PCDH9: variants seen among roughly 807,000 people sequenced by gnomAD.
PCDH9 encodes protocadherin-9.
PCDH9 carries 24 observed loss-of-function variants against 70.6 expected under a neutral mutation model. The observed-to-expected ratio is 0.34, with a 90% CI of 0.25 to 0.48. The LOEUF is 0.48. PCDH9 is among the 20% of genes least tolerant of loss of function. The pLI is 0.99. For synonymous variants in PCDH9, 562 were observed against 558.5 expected (o/e 1.01, Z -0.09); for missense variants, 1,281 against 1,503.6 (o/e 0.85, Z 2.45).
chr13:66,826,543 A>G lies in PCDH9; in HGVS notation c.3138+76961T>C, dbSNP rs2080826672. Among the ~76,000 whole-genome samples, 3 of 152,194 alleles carry G rather than the reference A, an allele frequency of 2.0e-5. No individual in the cohort carries two copies. In the South Asian group the frequency reaches 6.2e-4, roughly 32 times the overall value. On this transcript the variant is annotated intron_variant, in intron 3 of 4. Coordinates refer to ENST00000377865, the MANE Select transcript of PCDH9 (RefSeq NM_203487.3). ...ATTGGAATAGTATATTATTTTACTC[A>G]ATATATATTTATGAGATTACTGTGT...
intron 3 of PCDH9, among the ~76,000 whole-genome samples, chr13:66,674,433 T>C (rs1276524020): frequency 6.6e-6 from 1 of 152,164 alleles, no homozygotes; most frequent in African/African-American, 2.4e-5. Context: ...TTAAAAAAAA[T>C]TGACTTTACA....
chr13:66,401,991 A>T (rs1252855767), intron 4 of PCDH9, among the ~76,000 whole-genome samples: 1 of 152,232 alleles, frequency 6.6e-6, no homozygotes, highest in Non-Finnish European at 1.5e-5. Context: ...TTCATTATCC[A>T]AGCTTTGCTT....
chr13:67,079,367 T>C (rs2085940446), intron 2 of PCDH9, among the ~76,000 whole-genome samples: 1 of 152,150 alleles, frequency 6.6e-6, no homozygotes, highest in Non-Finnish European at 1.5e-5. Context: ...AATAATAGTT[T>C]TTAAATGTGA....
At chr13:66,654,101 T>G (rs1402878577) in intron 3 of PCDH9, among the ~76,000 whole-genome samples, 2 of 152,048 alleles carry the variant, frequency 1.3e-5, no homozygotes, top group Non-Finnish European at 1.5e-5. Flanking sequence ...ACCCAATATG[T>G]GGTACATAAA....
At chr13:66,332,200 C>T (rs9592460) in intron 4 of PCDH9, among the ~76,000 whole-genome samples, 1 of 152,048 alleles carries the variant, frequency 6.6e-6, no homozygotes, top group African/African-American at 2.4e-5. Context: ...TTTAGAAGTG[C>T]TAAGTAACTT....
chr13:67,150,109 G>C (rs983205460), intron 2 of PCDH9, among the ~76,000 whole-genome samples: 8 of 151,974 alleles, frequency 5.3e-5, no homozygotes, highest in African/African-American at 1.9e-4. Flanking sequence ...GCAGTGCTCC[G>C]TGCAACATCT....
intron 4 of PCDH9, among the ~76,000 whole-genome samples, chr13:66,359,075 T>C (rs989063660): frequency 6.6e-6 from 1 of 151,990 alleles, no homozygotes; most frequent in Admixed American, 6.6e-5. Flanking sequence ...CTAGGGACTA[T>C]CATAAGAGTA....
intron 2 of PCDH9, among the ~76,000 whole-genome samples, chr13:66,930,331 T>C (rs939992114): frequency 6.6e-6 from 1 of 152,208 alleles, no homozygotes; most frequent in Non-Finnish European, 1.5e-5. Context: ...AGAGCAATTT[T>C]GATCTAGTAC....
intron 4 of PCDH9, among the ~76,000 whole-genome samples, chr13:66,373,555 G>C (rs934024110): frequency 6.6e-6 from 1 of 151,830 alleles, no homozygotes; most frequent in Non-Finnish European, 1.5e-5. Flanking sequence ...AAAAATGAAA[G>C]ATGAAGAAAG....
At chr13:67,191,678 G>T (rs2138021139) in intron 2 of PCDH9, among the ~76,000 whole-genome samples, 1 of 152,144 alleles carries the variant, frequency 6.6e-6, no homozygotes, top group Admixed American at 6.6e-5. Context: ...CCCTGGTCAA[G>T]CCATTATCAC....
At position 67,228,167 on chromosome 13, in the gene PCDH9, T is replaced by C; in HGVS notation, c.274A>G (p.Ile92Val). ...TGEIFTTSNR[I>V]DREKLCAGAS... ...CCAGCACAGAGTTTTTCTCTGTCTA[T>C]TCTGTTGGAGGTTGTGAAAATTTCC... The change falls in exon 2 of 5, where the codon ATA (isoleucine) becomes GTA (valine). Residue 92 changes from isoleucine to valine, a missense_variant. This residue lies in a region of PCDH9 where 798 missense variants were observed against 1,003.1 expected (regional missense o/e 0.80). Coordinates refer to ENST00000377865, the MANE Select transcript of PCDH9 (RefSeq NM_203487.3). 6.2e-7 allele frequency: 1 copy of C among 1,614,012 alleles called. No individual in the cohort carries two copies. The highest frequency in any genetic ancestry group is 8.5e-7 in the Non-Finnish European group (1 of 1,180,006).
At chr13:66,868,778 G>A (rs1198351123) in intron 3 of PCDH9, among the ~76,000 whole-genome samples, 5 of 152,068 alleles carry the variant, frequency 3.3e-5, no homozygotes, top group South Asian at 4.1e-4. Flanking sequence ...ACTTCAAGGC[G>A]AAGTTGGGAA....
chr13:66,610,290 A>AAGAG (rs895733859), intron 4 of PCDH9, among the ~76,000 whole-genome samples: 2 of 149,566 alleles, frequency 1.3e-5, no homozygotes, highest in East Asian at 2.0e-4. Flanking sequence ...CAGAGAGAGA[A>AAGAG]AGAGAGAGAG....
intron 4 of PCDH9, among the ~76,000 whole-genome samples, chr13:66,340,228 A>G (rs559061100): frequency 6.6e-6 from 1 of 152,328 alleles, no homozygotes; most frequent in African/African-American, 2.4e-5. Context: ...GAAACAACTC[A>G]TGTTTGAAAA....
chr13:66,591,449 G>A (rs2077038296), intron 4 of PCDH9, among the ~76,000 whole-genome samples: 1 of 137,916 alleles, frequency 7.3e-6, no homozygotes, highest in African/African-American at 2.6e-5. Context: ...TTTACACATA[G>A]ATGGTAACTA....
chr13:66,564,404 G>T (rs971697252), intron 4 of PCDH9, among the ~76,000 whole-genome samples: 1 of 152,122 alleles, frequency 6.6e-6, no homozygotes, highest in East Asian at 1.9e-4. Flanking sequence ...GGGCTCAAAT[G>T]ATTCTCTCCC....
At chr13:66,462,178 T>C (rs972061161) in intron 4 of PCDH9, among the ~76,000 whole-genome samples, 4 of 151,784 alleles carry the variant, frequency 2.6e-5, no homozygotes, top group Non-Finnish European at 5.9e-5. Flanking sequence ...ACTGTGATTA[T>C]ATAGAAAAAA....
At chr13:66,967,650 CAA>C (rs75961646) in intron 2 of PCDH9, among the ~76,000 whole-genome samples, 1 of 152,032 alleles carries the variant, frequency 6.6e-6, no homozygotes, top group Non-Finnish European at 1.5e-5. Flanking sequence ...TATACAAATA[CAA>C]AAAAAAATTT....
Position 67,225,866 on chromosome 13 carries a change from G to A in PCDH9, c.2575C>T (p.Pro859Ser), listed in dbSNP as rs768106816. ...TTGTTTTGCTTGTTCTCCTGGTTTG[G>A]GGACATCCATTCGGCACCTTGCTTG... is the stretch of plus-strand genomic sequence containing the variant. ...RSKQGAEWMSPNQENKQNKKK... is the reference protein window; with the variant it reads ...RSKQGAEWMSSNQENKQNKKK... The change falls in exon 2 of 5, where the codon CCA (proline) becomes TCA (serine). Residue 859 changes from proline (P) to serine (S), a missense_variant. Physicochemically the swap from Pro to Ser is moderately conservative, Grantham distance 74. Transcript: ENST00000377865. 1 of 1,613,888 alleles carries A rather than the reference G, an allele frequency of 6.2e-7. No homozygotes were observed. Among genetic ancestry groups the A allele is most frequent in the Non-Finnish European group, 8.5e-7 (1 of 1,179,980 alleles).
Sources: allele counts gnomAD v4.1 joint callset (sites outside exome capture counted in the v4.1 genomes callset), GRCh38; gene constraint gnomAD v4.1.1; regional missense constraint gnomAD v4.1.1; transcripts MANE v1.5; gene names NCBI Gene and HGNC (gene_info 2026-07-23, HGNC 2026-07-21).